Variants in CCDC69 observed in about 807,000 individuals in gnomAD.
CCDC69 encodes the protein coiled-coil domain-containing protein 69.
In CCDC69, 38 loss-of-function variants were observed where a neutral mutation model predicts 40.3. The observed-to-expected ratio is 0.94, with a 90% CI of 0.73 to 1.24. CCDC69 has a LOEUF of 1.24. CCDC69 is among the 50% of genes most tolerant of loss of function. The pLI is 0.00. For missense variants in CCDC69, 389 were observed against 357.9 expected (o/e 1.09, Z -0.70); for synonymous variants, 141 against 138.9 (o/e 1.02, Z -0.11).
intron 2 of CCDC69, among the ~76,000 whole-genome samples, chr5:151,203,804 A>G (rs2113995172): frequency 7.4e-6 from 1 of 135,466 alleles, no homozygotes; most frequent in South Asian, 2.1e-4. Flanking sequence ...TATAGTATAT[A>G]TAATATATAT....
At chr5:151,216,616 A>G (rs1252348456) in intron 1 of CCDC69, among the ~76,000 whole-genome samples, 1 of 151,284 alleles carries the variant, frequency 6.6e-6, no homozygotes, top group Non-Finnish European at 1.5e-5. Context: ...GGGTTTCACC[A>G]TGTTGGTCAG....
At chr5:151,216,671 C>A (rs908787903) in intron 1 of CCDC69, among the ~76,000 whole-genome samples, 2 of 152,282 alleles carry the variant, frequency 1.3e-5, no homozygotes, top group Admixed American at 1.3e-4. Flanking sequence ...CCGCCTCAGT[C>A]TCCCAAAGTG....
At chr5:151,184,610 A>G in intron 7 of CCDC69, 169 bp from the exon 8 acceptor site, 1 of 551,460 alleles carries the variant, frequency 1.8e-6, no homozygotes, top group Non-Finnish European at 3.2e-6. Context: ...TAAAAAGTTA[A>G]CAAAGGGCTG....
At chr5:151,195,032 C>A (rs1752678431) in intron 4 of CCDC69, among the ~76,000 whole-genome samples, 1 of 151,762 alleles carries the variant, frequency 6.6e-6, no homozygotes. Context: ...TGTGGAAAAT[C>A]ACCACTAGTC....
chr5:151,202,755 C>T (rs1386529153), intron 2 of CCDC69, among the ~76,000 whole-genome samples: 1 of 152,096 alleles, frequency 6.6e-6, no homozygotes, highest in East Asian at 1.9e-4. Flanking sequence ...CGGGAAACTC[C>T]AAAACAGGAC....
chr5:151,183,422 C>A lies in CCDC69; in HGVS notation c.*15G>T. ...CTGTGACTTCAGGCGTCGTGGTGGGCCCAGGCCCTGCACCCTATGTGGCGA... is the reference window on the plus strand; with the variant it reads ...CTGTGACTTCAGGCGTCGTGGTGGGACCAGGCCCTGCACCCTATGTGGCGA... On this transcript the variant is annotated 3_prime_UTR_variant, in exon 9 of 9. Coordinates refer to ENST00000355417, the MANE Select transcript of CCDC69 (RefSeq NM_015621.3). The A allele has an allele frequency of 6.3e-7, 1 of 1,594,414 alleles. No individual in the cohort carries two copies. The highest frequency in any genetic ancestry group is 2.3e-5 in the East Asian group (1 of 44,180).
chr5:151,223,780 C>A lies in CCDC69; in HGVS notation c.48+143G>T, dbSNP rs1329938437. ...GGGCGCCTCCCAGCAGAGCCTCCCTCGTCTCTGAGCTGGCCTCTCCAGGTT... is the reference window on the plus strand; with the variant it reads ...GGGCGCCTCCCAGCAGAGCCTCCCTAGTCTCTGAGCTGGCCTCTCCAGGTT... On this transcript the variant is annotated intron_variant, in intron 1 of 8. Transcript: ENST00000355417. 5 of 716,928 alleles carry A rather than the reference C, an allele frequency of 7.0e-6. No individual in the cohort carries two copies. The Admixed American group carries it at 1.2e-4, about 17-fold the overall frequency. The allele number at this position is 716,928 out of a possible 1,614,324, so 44.4% of individuals were successfully genotyped here.
At chr5:151,216,973 C>G (rs776057400) in intron 1 of CCDC69, among the ~76,000 whole-genome samples, 1 of 151,914 alleles carries the variant, frequency 6.6e-6, no homozygotes, top group Non-Finnish European at 1.5e-5. Context: ...GCTGGTCAAA[C>G]GATACAAACA....
rs375304627 is a variant in CCDC69 at position 151,188,611 on chromosome 5, AG to A, written c.320-1153del. 7.7e-4 allele frequency among the ~76,000 whole-genome samples: 115 copies of A among 149,630 alleles called. 1 individual carries two copies. Among genetic ancestry groups the A allele is most frequent in the Non-Finnish European group, 8.9e-4 (60 of 67,132 alleles). ...CAGAGACTCTGTCTCCAAAAAAAAA[AG>A]AAGAAAAAAATAATGTTCAGTAATA... On this transcript the variant is annotated intron_variant, in intron 4 of 8. Coordinates refer to ENST00000355417, the MANE Select transcript of CCDC69 (RefSeq NM_015621.3).
At position 151,200,138 on chromosome 5, in the gene CCDC69, G is replaced by A. The variant is rs115756161; in HGVS notation, c.232-1054C>T. ...AATAGAGTGATTAGTTTATAACTAC[G>A]GAGACTTTTTTTTTTTTTGAGATGG... On this transcript the variant is annotated intron_variant, in intron 3 of 8. Transcript: ENST00000355417. Among the ~76,000 whole-genome samples the A allele has an allele frequency of 3.5e-3, 531 of 152,056 alleles. 3 individuals are homozygous for A. The highest frequency in any genetic ancestry group is 0.031 in the Middle Eastern group (9 of 294).
rs1350603024 is a variant in CCDC69, at chr5:151,183,227, G to A, written c.*210C>T. 7.1e-6 allele frequency: 5 copies of A among 701,188 alleles called. No homozygotes were observed. The highest frequency in any genetic ancestry group is 2.7e-5 in the East Asian group (1 of 36,438). 43.4% of individuals were successfully genotyped at this position (701,188 alleles called of 1,614,324 possible). On this transcript the variant is annotated 3_prime_UTR_variant, in exon 9 of 9. Coordinates refer to ENST00000355417, the MANE Select transcript of CCDC69 (RefSeq NM_015621.3). ...GCTTATTCCCTTGGCCAACTCAAGGGAAGACGCTTCTCGGGGCCTCCAAAA... is the reference window on the plus strand; with the variant it reads ...GCTTATTCCCTTGGCCAACTCAAGGAAAGACGCTTCTCGGGGCCTCCAAAA...
rs551796301 is a variant in CCDC69 at position 151,223,834 on chromosome 5, G to A, written c.48+89C>T. ...CGTCCGGTATCCCGGGCCGACCAGA[G>A]AGAGCCCGGGGCGCCGAGTCCTCTG... On this transcript the variant is annotated intron_variant, in intron 1 of 8. Coordinates refer to ENST00000355417, the MANE Select transcript of CCDC69 (RefSeq NM_015621.3). 9 of 1,353,992 alleles carry A rather than the reference G, an allele frequency of 6.6e-6. No homozygotes were observed. The African/African-American group carries it at 1.4e-4, about 20-fold the overall frequency. 83.9% of individuals were successfully genotyped at this position (1,353,992 alleles called of 1,614,324 possible). A position where few individuals can be genotyped will look rare whatever the true frequency, so the allele number is the denominator to read the frequency against.
chr5:151,183,282 C>T lies in CCDC69; in HGVS notation c.*155G>A, dbSNP rs530906823. The T allele has an allele frequency of 3.6e-5, 31 of 863,660 alleles. No individual in the cohort carries two copies. The highest frequency in any genetic ancestry group is 2.0e-5 in the Admixed American group (1 of 50,124). The allele number at this position is 863,660 out of a possible 1,614,324, so 53.5% of individuals were successfully genotyped here. A position where few individuals can be genotyped will look rare whatever the true frequency, so the allele number is the denominator to read the frequency against. On this transcript the variant is annotated 3_prime_UTR_variant, in exon 9 of 9. Coordinates refer to ENST00000355417, the MANE Select transcript of CCDC69 (RefSeq NM_015621.3). ...GTGGGTGATTCCATGTAACTCAAGG[C>T]CCCAGGGCTCACTGGGCACACACCC...
intron 4 of CCDC69, among the ~76,000 whole-genome samples, chr5:151,197,880 C>T (rs1752721914): frequency 6.6e-6 from 1 of 152,136 alleles, no homozygotes. Context: ...TATTGGAATG[C>T]TATGTAGTTA....
At chr5:151,205,356 C>T (rs373292367) in intron 2 of CCDC69, 44 bp downstream of exon 2, 104 of 1,440,814 alleles carry the variant, frequency 7.2e-5, no homozygotes, top group South Asian at 5.3e-4. Context: ...AAGGTAGGAA[C>T]CTCACAGATG....
chr5:151,185,321 G>A (rs1296936895), intron 7 of CCDC69, 101 bp downstream of exon 7: 1 of 1,347,998 alleles, frequency 7.4e-7, no homozygotes. Flanking sequence ...GAACTAGGCT[G>A]GGACCTCCTC....
In CCDC69 at chr5:151,191,095, AT is replaced by A. The variant is rs554575066; in HGVS notation, c.320-3637del. ...TCCTGAATCTAAAATTAAAGTTGAA[AT>A]TAAAAAAAAAAACCACCCACCAACT... On this transcript the variant is annotated intron_variant, in intron 4 of 8. Coordinates refer to ENST00000355417, the MANE Select transcript of CCDC69 (RefSeq NM_015621.3). 2.0e-4 allele frequency among the ~76,000 whole-genome samples: 23 copies of A among 115,622 alleles called. No homozygotes were observed. The South Asian group carries it at 6.2e-3, about 31-fold the overall frequency. 75.9% of individuals were successfully genotyped at this position (115,622 alleles called of 152,430 possible). A position where few individuals can be genotyped will look rare whatever the true frequency, so the allele number is the denominator to read the frequency against.
chr5:151,221,279 C>G (rs1211465555), intron 1 of CCDC69, among the ~76,000 whole-genome samples: 2 of 152,190 alleles, frequency 1.3e-5, no homozygotes, highest in African/African-American at 4.8e-5. Context: ...AAGTGCCTGC[C>G]TCATTCCTTG....
chr5:151,223,914 G>A lies in CCDC69; in HGVS notation c.48+9C>T, dbSNP rs1443938984. On this transcript the variant is annotated intron_variant, in intron 1 of 8. Transcript: ENST00000355417. ...TCTGAAAGCAAACTTCTCCGCCGGCGCCCTTTACCTTTTTCGGGGGTTTGC... is the reference window on the plus strand; with the variant it reads ...TCTGAAAGCAAACTTCTCCGCCGGCACCCTTTACCTTTTTCGGGGGTTTGC... 1.9e-6 allele frequency: 3 copies of A among 1,587,274 alleles called. No individual in the cohort carries two copies. Among genetic ancestry groups the A allele is most frequent in the Admixed American group, 3.5e-5 (2 of 57,194 alleles).
Sources: gnomAD v4.1 joint callset for allele counts (sites outside exome capture counted in the v4.1 genomes callset) on GRCh38, gnomAD v4.1.1 for gene constraint, MANE v1.5 for transcripts, NCBI Gene and HGNC (gene_info 2026-07-23, HGNC 2026-07-21) for gene names.